The following ABCA4 variants were observed in gnomAD, a reference collection of about 807,000 sequenced individuals.
ABCA4 encodes retinal-specific phospholipid-transporting ATPase ABCA4.
In ABCA4, 196 loss-of-function variants were observed where a neutral mutation model predicts 263.7. The observed-to-expected ratio is 0.74, with a 90% CI of 0.66 to 0.84. The LOEUF (loss-of-function observed/expected upper bound fraction) is 0.84, where lower values mean the gene tolerates loss of function less well. ABCA4 is among the 40% of genes least tolerant of loss of function. The pLI is 0.00. For synonymous variants in ABCA4, 1,133 were observed against 1,094.2 expected (o/e 1.04, Z -0.70); for missense variants, 2,792 against 2,855.1 (o/e 0.98, Z 0.50).
chr1:94,096,978 C>T (rs1300177098), intron 6 of ABCA4, among the ~76,000 whole-genome samples: 1 of 152,222 alleles, frequency 6.6e-6, no homozygotes, highest in East Asian at 1.9e-4. Context: ...CTGCAAACAC[C>T]AGCACTGGAC....
At chr1:94,076,779 G>T (rs569855348) in intron 11 of ABCA4, among the ~76,000 whole-genome samples, 1 of 152,354 alleles carries the variant, frequency 6.6e-6, no homozygotes, top group South Asian at 2.1e-4. Context: ...CTGGATTCCA[G>T]GAAGGAAGCC....
intron 37 of ABCA4, among the ~76,000 whole-genome samples, chr1:94,015,019 AAGCCCAGCTGAGGTCATCTCAGATG>A (rs1364660865): frequency 9.9e-5 from 15 of 152,280 alleles, no homozygotes; most frequent in South Asian, 2.1e-4. Flanking sequence ...TGGGTCAGCA[AAGCCCAGCTGAGGTCATCTCAGATG>A]AGCCCAGTGA....
intron 38 of ABCA4, among the ~76,000 whole-genome samples, chr1:94,014,011 T>G (rs1659648753): frequency 6.6e-6 from 1 of 152,138 alleles, no homozygotes; most frequent in Non-Finnish European, 1.5e-5. Flanking sequence ...ATTACCCAAA[T>G]GTATTGATGT....
chr1:94,110,065 T>C (rs1662562265), intron 3 of ABCA4, among the ~76,000 whole-genome samples: 1 of 152,126 alleles, frequency 6.6e-6, no homozygotes, highest in African/African-American at 2.4e-5. Context: ...GATCCCACCA[T>C]GTGACCCCAC....
chr1:94,079,756 C>G (rs911524954), intron 8 of ABCA4, among the ~76,000 whole-genome samples: 14 of 152,302 alleles, frequency 9.2e-5, no homozygotes, highest in Admixed American at 8.5e-4. Context: ...CTGCTAGGAA[C>G]TGAGGCCTTT....
At chr1:94,002,751 G>A (rs1659227133) in intron 44 of ABCA4, among the ~76,000 whole-genome samples, 2 of 152,068 alleles carry the variant, frequency 1.3e-5, no homozygotes, top group Admixed American at 1.3e-4. Context: ...GGCTCTCCCT[G>A]GGCCACCCTA....
At chr1:94,100,708 A>C (rs755923095) in intron 5 of ABCA4, among the ~76,000 whole-genome samples, 1 of 152,162 alleles carries the variant, frequency 6.6e-6, no homozygotes, top group East Asian at 1.9e-4. Context: ...GTTCCTTCTG[A>C]GCTGTGCTAA....
intron 1 of ABCA4, among the ~76,000 whole-genome samples, chr1:94,115,118 T>C (rs1325745752): frequency 2.6e-5 from 4 of 152,182 alleles, no homozygotes; most frequent in Admixed American, 1.3e-4. Context: ...TTCTGGATCA[T>C]TCCATCAGTG....
Position 94,021,827 on chromosome 1 carries a change from C to A in ABCA4, c.4773+19G>T. ...AGCAAGTCAAAAATCCTACTCAAATCTCCAGTCTGTTTACATACCCCGCTC... is the reference window on the plus strand; with the variant it reads ...AGCAAGTCAAAAATCCTACTCAAATATCCAGTCTGTTTACATACCCCGCTC... On this transcript the variant is annotated intron_variant, in intron 33 of 49. Transcript: ENST00000370225. 6.2e-7 allele frequency: 1 copy of A among 1,613,358 alleles called. No individual in the cohort carries two copies. Among genetic ancestry groups the A allele is most frequent in the Non-Finnish European group, 8.5e-7 (1 of 1,179,274 alleles).
chr1:94,005,356 T>G, intron 44 of ABCA4, 85 bp downstream of exon 44: 1 of 1,545,546 alleles, frequency 6.5e-7, no homozygotes, highest in Non-Finnish European at 8.9e-7. Flanking sequence ...ACGCTTCAGT[T>G]TCTCATCTCC....
At chr1:94,085,831 A>G (rs1661812356) in intron 6 of ABCA4, among the ~76,000 whole-genome samples, 1 of 151,360 alleles carries the variant, frequency 6.6e-6, no homozygotes, top group Non-Finnish European at 1.5e-5. Context: ...ATTCCCCCCC[A>G]TTCCTTCTTT....
At chr1:94,080,423 C>T (rs1401012396) in intron 8 of ABCA4, 55 bp downstream of exon 8, 3 of 1,611,402 alleles carry the variant, frequency 1.9e-6, no homozygotes, top group East Asian at 2.2e-5. Flanking sequence ...AGTGTTAAAC[C>T]ATCAACTTAA....
In ABCA4 at chr1:94,018,021, T is replaced by G. The variant is rs1040524120; in HGVS notation, c.5196+1561A>C. ...AAAATGATGGATCGCGGAGGTGAGA[T>G]TCCAGGCCAGCTTTAAAATTCTGGA... On this transcript the variant is annotated intron_variant, in intron 36 of 49. Transcript: ENST00000370225. Among the ~76,000 whole-genome samples the G allele has an allele frequency of 2.0e-5, 3 of 152,156 alleles. No individual in the cohort carries two copies. The East Asian group carries it at 5.8e-4, about 29-fold the overall frequency.
Position 94,062,586 on chromosome 1 carries a change from A to C in ABCA4, c.1928T>G (p.Val643Gly), listed in dbSNP as rs61754024. 2.6e-3 allele frequency: 4,136 copies of C among 1,613,566 alleles called. 9 individuals are homozygous for C. The highest frequency in any genetic ancestry group is 3.3e-3 in the Non-Finnish European group (3,938 of 1,179,752). The stretch of plus-strand genomic sequence containing the variant: ...CGAACTTCAGACTCACGAATCGTCC[A>C]CGAAGCAGGGGTAGGGCATCTGCTG... ...YLQQMPYPCF[V>G]DDSFMIILNR... The change falls in exon 13 of 50, where the codon GTG becomes GGG. Residue 643 changes from valine to glycine, a missense_variant. Physicochemically the swap from Val to Gly is moderately radical, Grantham distance 109 (BLOSUM62 -3). Coordinates refer to ENST00000370225, the MANE Select transcript of ABCA4 (RefSeq NM_000350.3).
chr1:94,084,116 T>C (rs560792720), intron 6 of ABCA4, among the ~76,000 whole-genome samples: 34 of 152,216 alleles, frequency 2.2e-4, no homozygotes, highest in Non-Finnish European at 4.6e-4. Flanking sequence ...GTGTGCTGCC[T>C]CCAAGCTCCA....
chr1:94,071,656 C>T (rs1341654995), intron 11 of ABCA4, among the ~76,000 whole-genome samples: 1 of 152,234 alleles, frequency 6.6e-6, no homozygotes, highest in African/African-American at 2.4e-5. Flanking sequence ...CAGTGCCCAG[C>T]ATGTGGCTGG....
At chr1:94,017,841 G>A (rs1659781634) in intron 36 of ABCA4, among the ~76,000 whole-genome samples, 1 of 152,220 alleles carries the variant, frequency 6.6e-6, no homozygotes, top group African/African-American at 2.4e-5. Flanking sequence ...CCATAAGTCT[G>A]TAACTGTTGC....
At chr1:94,055,938 C>G (rs1462055862) in intron 15 of ABCA4, among the ~76,000 whole-genome samples, 1 of 152,184 alleles carries the variant, frequency 6.6e-6, no homozygotes, top group Non-Finnish European at 1.5e-5. Context: ...GAACTGCACC[C>G]TCCAGGGCCA....
At chr1:94,052,185 C>T (rs550929771) in intron 16 of ABCA4, among the ~76,000 whole-genome samples, 80 of 152,272 alleles carry the variant, frequency 5.3e-4, no homozygotes, top group African/African-American at 1.5e-3. Flanking sequence ...ATCTGCCCCC[C>T]GTCACAGATA....
Sources: allele counts gnomAD v4.1 joint callset (sites outside exome capture counted in the v4.1 genomes callset), GRCh38; gene constraint gnomAD v4.1.1; transcripts MANE v1.5; gene names NCBI Gene and HGNC (gene_info 2026-07-23, HGNC 2026-07-21).